NR2F1: variants seen among roughly 807,000 people sequenced by gnomAD.
NR2F1 encodes nuclear receptor subfamily 2 group F member 1, also known as COUP transcription factor 1.
A neutral mutation model predicts 37.7 loss-of-function variants in NR2F1; 1 was observed. The ratio of observed to expected loss-of-function variants is 0.03; its 90% CI spans 0.01 to 0.13. The LOEUF is 0.13. NR2F1 is among the 10% of genes least tolerant of loss of function. NR2F1 has a pLI of 1.00. For missense variants in NR2F1, 268 were observed against 578.4 expected, an observed-to-expected ratio of 0.46 and a Z score of 5.50; for synonymous variants, 275 against 259.6, an observed-to-expected ratio of 1.06 and a Z score of -0.57.
rs1312343623 is a variant in NR2F1, at chr5:93,583,491, T to G, written c.-1533T>G. 6.6e-6 allele frequency: 1 copy of G among 151,558 alleles called. No homozygotes were observed. Among genetic ancestry groups the G allele is most frequent in the African/African-American group, 2.4e-5 (1 of 41,166 alleles). The allele number at this position is 151,558 out of a possible 1,614,324, so 9.4% of individuals were successfully genotyped here. A position where few individuals can be genotyped will look rare whatever the true frequency, so the allele number is the denominator to read the frequency against. On this transcript the variant is annotated 5_prime_UTR_variant, in exon 1 of 3. Transcript: ENST00000327111. The stretch of plus-strand genomic sequence containing the variant: ...TCTCCCTCCTCCTTGTCTCTTTTAC[T>G]CCATTCCTGCAGAAGAGAGAGGGCT...
At chr5:93,589,147 G>T (rs560445421) in intron 2 of NR2F1, among the ~76,000 whole-genome samples, 1 of 152,150 alleles carries the variant, frequency 6.6e-6, no homozygotes, top group East Asian at 1.9e-4. Flanking sequence ...TGTAGAACCC[G>T]CAAGTATGGG....
chr5:93,591,922 A>G (rs1292047553), intron 2 of NR2F1: 2 of 152,212 alleles, frequency 1.3e-5, no homozygotes, highest in Admixed American at 1.3e-4. Flanking sequence ...CCTGGCCCTA[A>G]TAGCCATAAA....
chr5:93,584,997 C>T lies in NR2F1; in HGVS notation c.-27C>T. ...CGGCCCTCGGCGAGCAGCTCGGCTCCCCCCAGCGCTCCCCGGGCCCAAAGA... is the reference window on the plus strand; with the variant it reads ...CGGCCCTCGGCGAGCAGCTCGGCTCTCCCCAGCGCTCCCCGGGCCCAAAGA... On this transcript the variant is annotated 5_prime_UTR_variant, in exon 1 of 3. Coordinates refer to ENST00000327111, the MANE Select transcript of NR2F1 (RefSeq NM_005654.6). The T allele has an allele frequency of 1.0e-6, 1 of 988,574 alleles. No homozygotes were observed. The highest frequency in any genetic ancestry group is 1.2e-6 in the Non-Finnish European group (1 of 831,238). The allele number at this position is 988,574 out of a possible 1,614,324, so 61.2% of individuals were successfully genotyped here.
chr5:93,590,824 G>A (rs771184011), intron 2 of NR2F1, among the ~76,000 whole-genome samples: 3 of 152,194 alleles, frequency 2.0e-5, no homozygotes, highest in Non-Finnish European at 4.4e-5. Flanking sequence ...TTTGGCCTCC[G>A]GATGGTATGT....
chr5:93,583,976 T>G lies in NR2F1; in HGVS notation c.-1048T>G, dbSNP rs1200073234. ...ACAACAAAAAGAGCAAAGTGTGTGA[T>G]CTTCCTCGCCGGCTGCCTCCCGCTC... On this transcript the variant is annotated 5_prime_UTR_variant, in exon 1 of 3. Coordinates refer to ENST00000327111, the MANE Select transcript of NR2F1 (RefSeq NM_005654.6). 1 of 152,020 alleles carries G rather than the reference T, an allele frequency of 6.6e-6. No individual in the cohort carries two copies. The highest frequency in any genetic ancestry group is 1.5e-5 in the Non-Finnish European group (1 of 67,960). 9.4% of individuals were successfully genotyped at this position (152,020 alleles called of 1,614,324 possible).
At chr5:93,588,876 G>A (rs1284775152) in intron 2 of NR2F1, among the ~76,000 whole-genome samples, 1 of 152,162 alleles carries the variant, frequency 6.6e-6, no homozygotes, top group African/African-American at 2.4e-5. Context: ...GTTTCTGGGG[G>A]AGGCGAGGGA....
At chr5:93,590,062 G>T (rs766878698) in intron 2 of NR2F1, among the ~76,000 whole-genome samples, 5 of 152,344 alleles carry the variant, frequency 3.3e-5, no homozygotes, top group Non-Finnish European at 7.3e-5. Flanking sequence ...ATGGAAACGT[G>T]TTTTTCAAAA....
chr5:93,583,501 C>T lies in NR2F1; in HGVS notation c.-1523C>T, dbSNP rs1352356633. 6.6e-6 allele frequency: 1 copy of T among 151,324 alleles called. No individual in the cohort carries two copies. Among genetic ancestry groups the T allele is most frequent in the African/African-American group, 2.4e-5 (1 of 41,040 alleles). The allele number at this position is 151,324 out of a possible 1,614,324, so 9.4% of individuals were successfully genotyped here. ...CCTTGTCTCTTTTACTCCATTCCTG[C>T]AGAAGAGAGAGGGCTAAACTTAAAG... is the stretch of plus-strand genomic sequence containing the variant. On this transcript the variant is annotated 5_prime_UTR_variant, in exon 1 of 3. Coordinates refer to ENST00000327111, the MANE Select transcript of NR2F1 (RefSeq NM_005654.6).
intron 1 of NR2F1, chr5:93,587,552 T>A (rs1378042543): frequency 4.5e-6 from 1 of 220,070 alleles, no homozygotes; most frequent in Non-Finnish European, 8.8e-6. Context: ...ACCCTGATTT[T>A]TTTTTTCCAT....
Position 93,583,664 on chromosome 5 carries a change from G to T in NR2F1, c.-1360G>T, listed in dbSNP as rs944891991. The T allele has an allele frequency of 6.6e-6, 1 of 151,942 alleles. No individual in the cohort carries two copies. The allele number at this position is 151,942 out of a possible 1,614,324, so 9.4% of individuals were successfully genotyped here. A position where few individuals can be genotyped will look rare whatever the true frequency, so the allele number is the denominator to read the frequency against. ...GCACTTATTTAAAATACTAAAAAAA[G>T]AACATTTTTGGGCGATCTCCAGGGT... On this transcript the variant is annotated 5_prime_UTR_variant, in exon 1 of 3. Coordinates refer to ENST00000327111, the MANE Select transcript of NR2F1 (RefSeq NM_005654.6).
chr5:93,592,391 T>C (rs1342902628), intron 2 of NR2F1, among the ~76,000 whole-genome samples: 1 of 152,070 alleles, frequency 6.6e-6, no homozygotes, highest in Non-Finnish European at 1.5e-5. Flanking sequence ...ATATTTATTA[T>C]TAATATAAGA....
rs564322794 is a variant in NR2F1 at position 93,594,450 on chromosome 5, T to C, written c.*608T>C. On this transcript the variant is annotated 3_prime_UTR_variant, in exon 3 of 3. Transcript: ENST00000327111. ...TCTATGTATCTATATCTGTTTTGTATTTTTTTCTGGTTCCAAACCAGATTT... is the reference window on the plus strand; with the variant it reads ...TCTATGTATCTATATCTGTTTTGTACTTTTTTCTGGTTCCAAACCAGATTT... 1 of 152,342 alleles carries C rather than the reference T, an allele frequency of 6.6e-6. No individual in the cohort carries two copies. The highest frequency in any genetic ancestry group is 2.4e-5 in the African/African-American group (1 of 41,576). 9.4% of individuals were successfully genotyped at this position (152,342 alleles called of 1,614,324 possible).
At chr5:93,586,513 AAAGTTT>A (rs1468035431) in intron 1 of NR2F1, among the ~76,000 whole-genome samples, 4 of 152,246 alleles carry the variant, frequency 2.6e-5, no homozygotes, top group Admixed American at 1.3e-4. Context: ...GTTTACAGTT[AAAGTTT>A]ATCTCTTGAC....
chr5:93,587,800 C>A, intron 1 of NR2F1, 117 bp from the exon 2 acceptor site: 1 of 1,104,620 alleles, frequency 9.1e-7, no homozygotes, highest in Non-Finnish European at 1.3e-6. Context: ...AGAAGATGCG[C>A]GGGGCGCGTG....
chr5:93,588,459 G>C lies in NR2F1; in HGVS notation c.991+15G>C. 1 of 1,534,450 alleles carries C rather than the reference G, an allele frequency of 6.5e-7. No homozygotes were observed. Among genetic ancestry groups the C allele is most frequent in the Non-Finnish European group, 8.8e-7 (1 of 1,137,478 alleles). ...GTTCACGTCAGGTGAGGCTGCGGTC[G>C]CGGGGAGGGCAGGCCGCGCCGGCAG... On this transcript the variant is annotated intron_variant, in intron 2 of 2. Transcript: ENST00000327111.
chr5:93,592,759 C>T (rs1412832465), intron 2 of NR2F1, among the ~76,000 whole-genome samples: 1 of 145,574 alleles, frequency 6.9e-6, no homozygotes, highest in Non-Finnish European at 1.5e-5. Context: ...TGTCGCCTTT[C>T]TGCAGCCTGG....
At chr5:93,587,582 T>A (rs1753254537) in intron 1 of NR2F1, 3 of 268,678 alleles carry the variant, frequency 1.1e-5, no homozygotes, top group Admixed American at 5.3e-5. Flanking sequence ...GTGAGTGGGG[T>A]TTCATTTATC....
rs757885999 is a variant in NR2F1 at position 93,593,515 on chromosome 5, C to T, written c.992-47C>T. 1.1e-5 allele frequency: 18 copies of T among 1,577,840 alleles called. No individual in the cohort carries two copies. Among genetic ancestry groups the T allele is most frequent in the Middle Eastern group, 1.8e-4 (1 of 5,660 alleles). On this transcript the variant is annotated intron_variant, in intron 2 of 2. Coordinates refer to ENST00000327111, the MANE Select transcript of NR2F1 (RefSeq NM_005654.6). The surrounding 1 kb of genome is among the most constrained non-coding windows in gnomAD (Gnocchi z 5.6). The stretch of plus-strand genomic sequence containing the variant: ...TGCCTTTGCTATTTGTCAGCCTAAC[C>T]GTGTGCTCCCTTTCCCTGTCTCTCC...
intron 2 of NR2F1, among the ~76,000 whole-genome samples, chr5:93,590,878 A>G (rs1440148281): frequency 1.3e-5 from 2 of 152,242 alleles, no homozygotes; most frequent in Non-Finnish European, 2.9e-5. Context: ...CTAGGTCATG[A>G]CCTGAACTTA....
Sources: allele counts gnomAD v4.1 joint callset (sites outside exome capture counted in the v4.1 genomes callset), GRCh38; gene constraint gnomAD v4.1.1; non-coding constraint Gnocchi (gnomAD v3.1); transcripts MANE v1.5; gene names NCBI Gene and HGNC (gene_info 2026-07-23, HGNC 2026-07-21).